Variants in KCNB2 observed in about 807,000 individuals in gnomAD.
KCNB2 encodes the protein delayed rectifier potassium channel protein.
A neutral mutation model predicts 61.5 loss-of-function variants in KCNB2; 15 were observed. The observed-to-expected ratio is 0.24, with a 90% CI of 0.16 to 0.38. The LOEUF (loss-of-function observed/expected upper bound fraction) is 0.38. Ranked by LOEUF, KCNB2 falls within the 10% of genes least tolerant of loss-of-function variation. The probability of loss-of-function intolerance (pLI) is 1.00; values close to 1 mark genes in which losing one functional copy is unlikely to be tolerated. For synonymous variants in KCNB2, 457 were observed against 446.0 expected, an observed-to-expected ratio of 1.02 and a Z score of -0.31; for missense variants, 828 against 1,125.2, an observed-to-expected ratio of 0.74 and a Z score of 3.78.
At chr8:72,912,873 G>A (rs908606828) in intron 2 of KCNB2, among the ~76,000 whole-genome samples, 2 of 152,062 alleles carry the variant, frequency 1.3e-5, no homozygotes, top group Non-Finnish European at 2.9e-5. Context: ...CATTTTACGG[G>A]CAAGGGAATA....
chr8:72,849,986 C>A (rs1424857135), intron 2 of KCNB2, among the ~76,000 whole-genome samples: 1 of 152,034 alleles, frequency 6.6e-6, no homozygotes, highest in Non-Finnish European at 1.5e-5. Context: ...AGGGCTGGGA[C>A]CATATCTAGT....
chr8:72,902,471 A>G (rs986788221), intron 2 of KCNB2, among the ~76,000 whole-genome samples: 3 of 152,070 alleles, frequency 2.0e-5, no homozygotes, highest in African/African-American at 7.2e-5. Context: ...TTGGGAGGTA[A>G]TTCAAGTTAA....
In KCNB2 at chr8:72,716,260, T is replaced by C. The variant is rs529530668; in HGVS notation, c.579+147947T>C. Among the ~76,000 whole-genome samples the C allele has an allele frequency of 1.2e-3, 187 of 152,268 alleles. 3 individuals are homozygous for C. Among genetic ancestry groups the C allele is most frequent in the Admixed American group, 0.011 (163 of 15,286 alleles). On this transcript the variant is annotated intron_variant, in intron 2 of 2. Coordinates refer to ENST00000523207, the MANE Select transcript of KCNB2 (RefSeq NM_004770.3). Reference sequence around the variant, plus strand: ...AAGGAGGAACTGGTACCATTCCTTCTGAAACTATTCCAATCAATAGAAAAA... The same window carrying C: ...AAGGAGGAACTGGTACCATTCCTTCCGAAACTATTCCAATCAATAGAAAAA...
intron 2 of KCNB2, among the ~76,000 whole-genome samples, chr8:72,632,250 A>C (rs1309348657): frequency 6.6e-6 from 1 of 152,122 alleles, no homozygotes; most frequent in Non-Finnish European, 1.5e-5. Flanking sequence ...TTTCTCAAAA[A>C]AATGGGAGGG....
At chr8:72,808,448 TG>T (rs1434944333) in intron 2 of KCNB2, among the ~76,000 whole-genome samples, 1 of 152,218 alleles carries the variant, frequency 6.6e-6, no homozygotes, top group Non-Finnish European at 1.5e-5. Flanking sequence ...TGGCATATAA[TG>T]GACAACTCAG....
chr8:72,866,181 T>A (rs1805514692), intron 2 of KCNB2, among the ~76,000 whole-genome samples: 1 of 152,212 alleles, frequency 6.6e-6, no homozygotes, highest in Non-Finnish European at 1.5e-5. Context: ...CTGTTCTCAT[T>A]GTGAAACTTC....
At chr8:72,778,792 G>T (rs375440351) in intron 2 of KCNB2, among the ~76,000 whole-genome samples, 1 of 67,150 alleles carries the variant, frequency 1.5e-5, no homozygotes, top group African/African-American at 5.6e-5. Context: ...GAAAAGAAAA[G>T]AAAAAGAAAA....
intron 2 of KCNB2, among the ~76,000 whole-genome samples, chr8:72,914,728 G>A (rs1806360381): frequency 1.3e-5 from 2 of 152,126 alleles, no homozygotes; most frequent in South Asian, 4.1e-4. Context: ...CAACTATTGA[G>A]ATACAGACTT....
intron 2 of KCNB2, among the ~76,000 whole-genome samples, chr8:72,710,945 T>A (rs1298423506): frequency 2.0e-5 from 3 of 152,230 alleles, no homozygotes; most frequent in Admixed American, 1.3e-4. Flanking sequence ...ATGAACTTCA[T>A]CGATCAACAT....
intron 2 of KCNB2, among the ~76,000 whole-genome samples, chr8:72,700,553 G>T (rs1303986): frequency 6.6e-6 from 1 of 151,862 alleles, no homozygotes; most frequent in Admixed American, 6.6e-5. Context: ...ATAAACAAAT[G>T]ACAAATGTTA....
chr8:72,851,673 C>T (rs16938421), intron 2 of KCNB2, among the ~76,000 whole-genome samples: 2,481 of 152,008 alleles, frequency 0.016, 74 homozygotes, highest in African/African-American at 0.055. Context: ...CCGATGGCTC[C>T]ATGTAAAGGA....
At chr8:72,636,954 C>A (rs1415815586) in intron 2 of KCNB2, among the ~76,000 whole-genome samples, 1 of 152,104 alleles carries the variant, frequency 6.6e-6, no homozygotes, top group African/African-American at 2.4e-5. Flanking sequence ...GAGGCAGCCC[C>A]ACAGTTTTGT....
chr8:72,590,255 A>G (rs1437215656), intron 2 of KCNB2, among the ~76,000 whole-genome samples: 1 of 152,192 alleles, frequency 6.6e-6, no homozygotes, highest in African/African-American at 2.4e-5. Context: ...TATGTATACC[A>G]TCTACCTGCT....
At position 72,855,496 on chromosome 8, in the gene KCNB2, A is replaced by G. The variant is rs887069380; in HGVS notation, c.580-80439A>G. 1.3e-5 allele frequency among the ~76,000 whole-genome samples: 2 copies of G among 152,056 alleles called. 1 individual carries two copies. On this transcript the variant is annotated intron_variant, in intron 2 of 2. Transcript: ENST00000523207. ...TCTCACTTCCCATTGCCCCCTCCCAAACAAGTTATCTGTCCTCTGCTGTGA... is the reference window on the plus strand; with the variant it reads ...TCTCACTTCCCATTGCCCCCTCCCAGACAAGTTATCTGTCCTCTGCTGTGA...
intron 2 of KCNB2, among the ~76,000 whole-genome samples, chr8:72,699,761 T>C (rs1008499152): frequency 6.6e-6 from 1 of 152,158 alleles, no homozygotes; most frequent in African/African-American, 2.4e-5. Context: ...CATTTTAAGT[T>C]AATCATTGTG....
intron 2 of KCNB2, among the ~76,000 whole-genome samples, chr8:72,703,142 T>G (rs2128991213): frequency 6.6e-6 from 1 of 152,376 alleles, no homozygotes; most frequent in South Asian, 2.1e-4. Context: ...AGGCCTTTTC[T>G]TTTCCTAGCT....
At chr8:72,744,493 G>A (rs1460479426) in intron 2 of KCNB2, among the ~76,000 whole-genome samples, 2 of 152,136 alleles carry the variant, frequency 1.3e-5, no homozygotes, top group Non-Finnish European at 1.5e-5. Flanking sequence ...GAGAGGTGGA[G>A]ACAGAAATAT....
chr8:72,824,138 T>C (rs1306286768), intron 2 of KCNB2, among the ~76,000 whole-genome samples: 2 of 152,170 alleles, frequency 1.3e-5, no homozygotes, highest in African/African-American at 2.4e-5. Flanking sequence ...CAATTCAAAG[T>C]ATTAGTCAAA....
chr8:72,919,938 G>A (rs1482023), intron 2 of KCNB2, among the ~76,000 whole-genome samples: 3 of 151,928 alleles, frequency 2.0e-5, no homozygotes, highest in African/African-American at 7.2e-5. Flanking sequence ...AAGCACTTAC[G>A]AGGTACTAGA....
Sources: gnomAD v4.1 joint callset for allele counts (sites outside exome capture counted in the v4.1 genomes callset) on GRCh38, gnomAD v4.1.1 for gene constraint, MANE v1.5 for transcripts, NCBI Gene and HGNC (gene_info 2026-07-23, HGNC 2026-07-21) for gene names.